REG4: variants seen among roughly 807,000 people sequenced by gnomAD.
REG4 encodes regenerating family member 4.
In REG4, 16 loss-of-function variants were observed where a neutral mutation model predicts 22.3. The observed-to-expected ratio is 0.72, with a 90% confidence interval of 0.49 to 1.09. The LOEUF (loss-of-function observed/expected upper bound fraction) is 1.09, where lower values mean the gene tolerates loss of function less well. REG4 is among the 50% of genes least tolerant of loss of function. The probability of loss-of-function intolerance (pLI) is 0.00; values close to 1 mark genes in which losing one functional copy is unlikely to be tolerated. For missense variants in REG4, 214 were observed against 193.9 expected (o/e 1.10, Z -0.61); for synonymous variants, 71 against 69.2 (o/e 1.03, Z -0.13).
In REG4 at chr1:119,794,029, C is replaced by G. The variant is rs766252406; in HGVS notation, c.*589G>C. 4.2e-4 allele frequency: 206 copies of G among 492,524 alleles called. No homozygotes were observed. Among genetic ancestry groups the G allele is most frequent in the Non-Finnish European group, 7.1e-4 (167 of 236,640 alleles). 30.5% of individuals were successfully genotyped at this position (492,524 alleles called of 1,614,324 possible). On this transcript the variant is annotated 3_prime_UTR_variant, in exon 6 of 6. Transcript: ENST00000256585. ...GACGAAGAAGCACTTGGGTGTATTT[C>G]TTGGTCTTATTTCACTTTTCCACAT...
chr1:119,800,508 G>A (rs905159039), intron 3 of REG4, among the ~76,000 whole-genome samples: 1 of 152,146 alleles, frequency 6.6e-6, no homozygotes, highest in Admixed American at 6.5e-5. Flanking sequence ...AGTAGGTGGG[G>A]CCCACCTTTA....
intron 1 of REG4, among the ~76,000 whole-genome samples, chr1:119,809,541 G>C (rs926734133): frequency 2.0e-5 from 3 of 152,182 alleles, no homozygotes; most frequent in Admixed American, 1.3e-4. Flanking sequence ...GTAGCCTACA[G>C]ATATCTTTCT....
chr1:119,808,693 G>C lies in REG4; in HGVS notation c.67+10C>G. ...TGTGGCTCAGTTCCAGCTACGTGAT[G>C]GATACTCACCACCCAGGACTCCTGT... On this transcript the variant is annotated intron_variant, in intron 2 of 5. Coordinates refer to ENST00000256585, the MANE Select transcript of REG4 (RefSeq NM_032044.4). 1 of 1,607,630 alleles carries C rather than the reference G, an allele frequency of 6.2e-7. No homozygotes were observed. Among genetic ancestry groups the C allele is most frequent in the Non-Finnish European group, 8.5e-7 (1 of 1,174,362 alleles).
chr1:119,807,589 C>T (rs939079300), intron 2 of REG4, among the ~76,000 whole-genome samples: 1 of 151,916 alleles, frequency 6.6e-6, no homozygotes, highest in Non-Finnish European at 1.5e-5. Context: ...CAGAAGGCAG[C>T]TCTGCAGGAG....
At chr1:119,802,367 G>GTTTT in intron 3 of REG4, 2 of 986,496 alleles carry the variant, frequency 2.0e-6, no homozygotes, top group Non-Finnish European at 2.4e-6. Context: ...CTTCGTTCTT[G>GTTTT]TTTTTTTGTT....
intron 3 of REG4, chr1:119,802,350 GT>G: frequency 1.0e-6 from 1 of 985,978 alleles, no homozygotes; most frequent in Non-Finnish European, 1.2e-6. Context: ...CTGGCATGTG[GT>G]AGGTGCTTCG....
chr1:119,803,309 G>A (rs1654182927), intron 2 of REG4, 144 bp from the exon 3 acceptor site: 1 of 776,728 alleles, frequency 1.3e-6, no homozygotes, highest in Non-Finnish European at 1.9e-6. Flanking sequence ...AATGTATACA[G>A]CTTACCCTTC....
In REG4 at chr1:119,794,698, A is replaced by T; in HGVS notation, c.410-13T>A. Reference sequence around the variant, plus strand: ...CAAGTTAAAAAGTCTGTAAGAAAATAAACAGATATTTAAATCCATTCAGTA... The same window carrying T: ...CAAGTTAAAAAGTCTGTAAGAAAATTAACAGATATTTAAATCCATTCAGTA... On this transcript the variant is annotated splice_polypyrimidine_tract_variant and intron_variant, in intron 5 of 5. Transcript: ENST00000256585. The T allele has an allele frequency of 1.2e-6, 2 of 1,612,612 alleles. No homozygotes were observed. Among genetic ancestry groups the T allele is most frequent in the Non-Finnish European group, 1.7e-6 (2 of 1,178,572 alleles).
chr1:119,808,651 G>C, intron 2 of REG4, 52 bp downstream of exon 2: 1 of 1,253,460 alleles, frequency 8.0e-7, no homozygotes, highest in Non-Finnish European at 1.2e-6. Flanking sequence ...TCTCACATGG[G>C]CTGTGTGAAC....
At chr1:119,795,639 T>C (rs1033798498) in intron 5 of REG4, among the ~76,000 whole-genome samples, 3 of 152,186 alleles carry the variant, frequency 2.0e-5, no homozygotes, top group Non-Finnish European at 4.4e-5. Context: ...TCTGGCCCTG[T>C]TCCCAGTGCG....
chr1:119,795,337 T>C (rs1001274689), intron 5 of REG4, among the ~76,000 whole-genome samples: 1 of 151,984 alleles, frequency 6.6e-6, no homozygotes, highest in Non-Finnish European at 1.5e-5. Flanking sequence ...AGGATCTGAG[T>C]GTGGCCTGTC....
rs587751245 is a variant in REG4 at position 119,801,867 on chromosome 1, T to C, written c.165+1201A>G. 10 of 152,382 alleles carry C rather than the reference T, an allele frequency of 6.6e-5. No homozygotes were observed. In the East Asian group the frequency reaches 1.9e-3, roughly 29 times the overall value. 9.4% of individuals were successfully genotyped at this position (152,382 alleles called of 1,614,324 possible). On this transcript the variant is annotated intron_variant, in intron 3 of 5. Coordinates refer to ENST00000256585, the MANE Select transcript of REG4 (RefSeq NM_032044.4). ...TCTTTCTTGAGACCCTGAATTGGCATCTACCATGTGGCATAGGCTTTATGC... is the reference window on the plus strand; with the variant it reads ...TCTTTCTTGAGACCCTGAATTGGCACCTACCATGTGGCATAGGCTTTATGC...
At chr1:119,805,141 A>C (rs1377225455) in intron 2 of REG4, among the ~76,000 whole-genome samples, 1 of 152,140 alleles carries the variant, frequency 6.6e-6, no homozygotes, top group Non-Finnish European at 1.5e-5. Flanking sequence ...AGAAATAATT[A>C]ATTGGGCTGC....
chr1:119,810,353 C>A lies in REG4; in HGVS notation c.-95+1056G>T, dbSNP rs1189272451. On this transcript the variant is annotated intron_variant, in intron 1 of 5. Transcript: ENST00000256585. ...TTCATTGAATTCACATTTAATCATA[C>A]TTTATGATTAAAAAATCTGAATATA... Among the ~76,000 whole-genome samples, 5 of 152,066 alleles carry A rather than the reference C, an allele frequency of 3.3e-5. No individual in the cohort carries two copies. The East Asian group carries it at 9.6e-4, about 29-fold the overall frequency.
intron 2 of REG4, 35 bp from the exon 3 acceptor site, chr1:119,803,200 T>A: frequency 6.7e-7 from 1 of 1,495,024 alleles, no homozygotes; most frequent in Non-Finnish European, 8.9e-7. Flanking sequence ...CACATTATGA[T>A]AGCAAAAACA....
chr1:119,798,458 G>C (rs371243611), intron 5 of REG4, 39 bp downstream of exon 5: 18 of 1,496,352 alleles, frequency 1.2e-5, no homozygotes, highest in African/African-American at 8.3e-5. Context: ...AAGAGTCTGC[G>C]CATTGGGAAG....
intron 5 of REG4, among the ~76,000 whole-genome samples, chr1:119,795,097 A>C (rs972052065): frequency 6.6e-6 from 1 of 152,326 alleles, no homozygotes; most frequent in Admixed American, 6.5e-5. Context: ...CCACAATTGC[A>C]TGAGCCAATT....
Position 119,807,445 on chromosome 1 carries a change from C to A in REG4, c.67+1258G>T, listed in dbSNP as rs587650799. Among the ~76,000 whole-genome samples the A allele has an allele frequency of 3.9e-3, 589 of 152,302 alleles. 7 individuals are homozygous for A. The highest frequency in any genetic ancestry group is 0.014 in the Middle Eastern group (4 of 294). ...GAGAAGCCAGAGAGTTTAGTGAGAT[C>A]CCAGGGATAGGAAGATGGTTGTATC... On this transcript the variant is annotated intron_variant, in intron 2 of 5. Transcript: ENST00000256585.
chr1:119,809,024 C>A (rs187512546), intron 1 of REG4, 161 bp from the exon 2 acceptor site: 1 of 408,104 alleles, frequency 2.5e-6, no homozygotes, highest in African/African-American at 2.1e-5. Flanking sequence ...AGATTTTGTT[C>A]TTACCTGCAA....
Sources: allele counts gnomAD v4.1 joint callset (sites outside exome capture counted in the v4.1 genomes callset), GRCh38; gene constraint gnomAD v4.1.1; transcripts MANE v1.5; gene names NCBI Gene and HGNC (gene_info 2026-07-23, HGNC 2026-07-21).